Variants in CACNG3 observed in about 807,000 individuals in gnomAD.
CACNG3 encodes the protein calcium voltage-gated channel auxiliary subunit gamma 3.
CACNG3 carries 3 observed loss-of-function variants against 28.5 expected under a neutral mutation model. That is an observed-to-expected ratio of 0.11 (90% CI 0.05 to 0.27). The LOEUF is 0.27. Among genes scored for constraint, CACNG3 ranks in the 10% least tolerant of loss-of-function variants. CACNG3 has a pLI of 1.00. For missense variants in CACNG3, 236 were observed against 414.4 expected (o/e 0.57, Z 3.74); for synonymous variants, 174 against 162.2 (o/e 1.07, Z -0.55).
In CACNG3 at chr16:24,327,126, C is replaced by CAAAAAAAA. The variant is rs57918697; in HGVS notation, c.212-19588_212-19581dup. On this transcript the variant is annotated intron_variant, in intron 1 of 3. Coordinates refer to ENST00000005284, the MANE Select transcript of CACNG3 (RefSeq NM_006539.4). Reference sequence around the variant, plus strand: ...AGTGGCCAAGGCAGGGGCTCCAAACCAAAAAAAAAAAAAAAAAAAAAAAAA... The same window carrying CAAAAAAAA: ...AGTGGCCAAGGCAGGGGCTCCAAACCAAAAAAAAAAAAAAAAAAAAAAAAAAAAAAAAA... Among the ~76,000 whole-genome samples the CAAAAAAAA allele has an allele frequency of 8.7e-4, 31 of 35,826 alleles. 6 individuals carry two copies. Among genetic ancestry groups the CAAAAAAAA allele is most frequent in the African/African-American group, 1.6e-3 (12 of 7,550 alleles). The allele number at this position is 35,826 out of a possible 152,430, so 23.5% of individuals were successfully genotyped here. A position where few individuals can be genotyped will look rare whatever the true frequency, so the allele number is the denominator to read the frequency against.
At chr16:24,331,846 A>G (rs1567220777) in intron 1 of CACNG3, among the ~76,000 whole-genome samples, 2 of 152,070 alleles carry the variant, frequency 1.3e-5, no homozygotes, top group African/African-American at 4.8e-5. Context: ...CTCTTCCCTC[A>G]AATCTTCCCA....
At position 24,301,548 on chromosome 16, in the gene CACNG3, C is replaced by T. The variant is rs148652398; in HGVS notation, c.211+44583C>T. Among the ~76,000 whole-genome samples the T allele has an allele frequency of 1.5e-3, 230 of 152,274 alleles. 1 individual carries two copies. Among genetic ancestry groups the T allele is most frequent in the African/African-American group, 5.4e-3 (226 of 41,552 alleles). The stretch of plus-strand genomic sequence containing the variant: ...CAGAGAGGGTGCAGGCAGGAAAGGA[C>T]TTCAGCCTGCCCAGTGATTATACAT... On this transcript the variant is annotated intron_variant, in intron 1 of 3. Transcript: ENST00000005284.
At chr16:24,270,730 G>A (rs1477790941) in intron 1 of CACNG3, among the ~76,000 whole-genome samples, 3 of 152,238 alleles carry the variant, frequency 2.0e-5, no homozygotes, top group African/African-American at 7.2e-5. Flanking sequence ...GATAATCTTA[G>A]CATAGCACAA....
At chr16:24,259,083 G>C (rs1044714423) in intron 1 of CACNG3, among the ~76,000 whole-genome samples, 6 of 152,330 alleles carry the variant, frequency 3.9e-5, no homozygotes, top group African/African-American at 1.2e-4. Context: ...AGAAGGAATT[G>C]GATGAATTGA....
intron 1 of CACNG3, among the ~76,000 whole-genome samples, chr16:24,315,816 G>A (rs1024722235): frequency 6.6e-6 from 1 of 151,958 alleles, no homozygotes; most frequent in Admixed American, 6.6e-5. Flanking sequence ...CCACTACAAT[G>A]CCCAGCTAAT....
intron 1 of CACNG3, among the ~76,000 whole-genome samples, chr16:24,258,078 C>T (rs1234523644): frequency 6.6e-6 from 1 of 152,152 alleles, no homozygotes; most frequent in Non-Finnish European, 1.5e-5. Context: ...AGGAAATCTG[C>T]GTTTCCTGTG....
At chr16:24,257,057 A>G (rs1898468121) in intron 1 of CACNG3, 92 bp downstream of exon 1, 1 of 810,552 alleles carries the variant, frequency 1.2e-6, no homozygotes, top group Non-Finnish European at 2.1e-6. Flanking sequence ...ATAAGGAAAG[A>G]AGAGAAGTTC....
chr16:24,258,193 A>T (rs375361580), intron 1 of CACNG3, among the ~76,000 whole-genome samples: 1 of 152,212 alleles, frequency 6.6e-6, no homozygotes, highest in African/African-American at 2.4e-5. Context: ...CGCTTGGGAA[A>T]TCATGCTATG....
At chr16:24,288,061 T>C (rs1391557199) in intron 1 of CACNG3, among the ~76,000 whole-genome samples, 3 of 152,356 alleles carry the variant, frequency 2.0e-5, no homozygotes, top group Non-Finnish European at 4.4e-5. Context: ...GGCAGTATTC[T>C]GGAATTTAAT....
At chr16:24,312,920 G>GAAAGAAAGAAAGAAAGAAAGA (rs1899285369) in intron 1 of CACNG3, among the ~76,000 whole-genome samples, 1 of 122,032 alleles carries the variant, frequency 8.2e-6, no homozygotes, top group African/African-American at 3.3e-5. Flanking sequence ...AGGAAGGAAG[G>GAAAGAAAGAAAGAAAGAAAGA]AAGAAAGAAA....
intron 1 of CACNG3, among the ~76,000 whole-genome samples, chr16:24,274,213 A>C (rs573058982): frequency 8.6e-5 from 13 of 150,998 alleles, no homozygotes; most frequent in Non-Finnish European, 1.2e-4. Context: ...AAAAAAAAAA[A>C]CTCAACCTCT....
chr16:24,285,603 A>G (rs1301918145), intron 1 of CACNG3, among the ~76,000 whole-genome samples: 1 of 152,128 alleles, frequency 6.6e-6, no homozygotes, highest in African/African-American at 2.4e-5. Flanking sequence ...AGGCTGAGGC[A>G]GGAGGAGTTC....
chr16:24,360,881 C>T (rs1458871775), intron 3 of CACNG3, among the ~76,000 whole-genome samples: 1 of 152,184 alleles, frequency 6.6e-6, no homozygotes, highest in Non-Finnish European at 1.5e-5. Context: ...TAGTCTTTCT[C>T]TCTCCTTCTC....
chr16:24,342,088 T>G (rs1305704712), intron 1 of CACNG3, among the ~76,000 whole-genome samples: 1 of 151,944 alleles, frequency 6.6e-6, no homozygotes, highest in Non-Finnish European at 1.5e-5. Context: ...GCCAACATGG[T>G]GAAACCCTGT....
intron 1 of CACNG3, among the ~76,000 whole-genome samples, chr16:24,339,221 A>G (rs1349390647): frequency 1.3e-5 from 2 of 152,176 alleles, no homozygotes; most frequent in Non-Finnish European, 2.9e-5. Context: ...ATTTCTCTGT[A>G]TTGAAAAAAT....
chr16:24,361,313 G>T lies in CACNG3; in HGVS notation c.437-39G>T. 6.9e-7 allele frequency: 1 copy of T among 1,441,352 alleles called. No individual in the cohort carries two copies. Among genetic ancestry groups the T allele is most frequent in the East Asian group, 2.3e-5 (1 of 43,726 alleles). 89.3% of individuals were successfully genotyped at this position (1,441,352 alleles called of 1,614,324 possible). ...ATGGAAAGTGACAGTTCTCTCCGAG[G>T]TGTATAAAGGACGTGTTTTTCTTTT... is the stretch of plus-strand genomic sequence containing the variant. On this transcript the variant is annotated intron_variant, in intron 3 of 3. Transcript: ENST00000005284. This position sits in a 1 kb window ranked among gnomAD's most constrained non-coding sequence, Gnocchi z 6.8.
chr16:24,281,782 T>C (rs984354825), intron 1 of CACNG3, among the ~76,000 whole-genome samples: 7 of 152,240 alleles, frequency 4.6e-5, no homozygotes, highest in African/African-American at 4.8e-5. Context: ...GAATGCTTTT[T>C]TCGTGTGCTT....
At chr16:24,266,137 A>G (rs1898606218) in intron 1 of CACNG3, among the ~76,000 whole-genome samples, 1 of 152,194 alleles carries the variant, frequency 6.6e-6, no homozygotes, top group Non-Finnish European at 1.5e-5. Context: ...GTCCAGGTGC[A>G]CAGGGAACAG....
chr16:24,304,821 C>T (rs1424104174), intron 1 of CACNG3, among the ~76,000 whole-genome samples: 1 of 152,078 alleles, frequency 6.6e-6, no homozygotes, highest in Non-Finnish European at 1.5e-5. Flanking sequence ...CTCATCCTCC[C>T]AAAGTGCTGG....
Sources: allele counts gnomAD v4.1 joint callset (sites outside exome capture counted in the v4.1 genomes callset), GRCh38; gene constraint gnomAD v4.1.1; non-coding constraint Gnocchi (gnomAD v3.1); transcripts MANE v1.5; gene names NCBI Gene and HGNC (gene_info 2026-07-23, HGNC 2026-07-21).